The following CLASP2 variants were observed in gnomAD, a reference collection of about 807,000 sequenced individuals.
CLASP2 encodes the protein cytoplasmic linker associated protein 2, also known as CLIP-associating protein 2.
Under a neutral mutation model 194.4 loss-of-function variants are expected in CLASP2, and 47 were observed. The ratio of observed to expected loss-of-function variants is 0.24; its 90% confidence interval spans 0.19 to 0.31. The LOEUF (loss-of-function observed/expected upper bound fraction) is 0.31, where lower values mean the gene tolerates loss of function less well. CLASP2 is among the 10% of genes least tolerant of loss of function. The probability of loss-of-function intolerance (pLI) is 1.00; values close to 1 mark genes in which losing one functional copy is unlikely to be tolerated. For missense variants in CLASP2, 1,445 were observed against 1,823.6 expected, an observed-to-expected ratio of 0.79 and a Z score of 3.78; for synonymous variants, 619 against 633.5, an observed-to-expected ratio of 0.98 and a Z score of 0.34.
chr3:33,658,281 G>T (rs948600484), intron 7 of CLASP2, among the ~76,000 whole-genome samples: 1 of 152,118 alleles, frequency 6.6e-6, no homozygotes, highest in Non-Finnish European at 1.5e-5. Context: ...TCACAGAGTT[G>T]TTCACACCTG....
chr3:33,584,695 A>G (rs1317352540), intron 22 of CLASP2, 55 bp downstream of exon 22: 12 of 258,704 alleles, frequency 4.6e-5, no homozygotes, highest in Non-Finnish European at 7.4e-5. Context: ...CCAAAGCCTG[A>G]AAAAAAAAAA....
intron 33 of CLASP2, among the ~76,000 whole-genome samples, chr3:33,538,570 C>T (rs2057803035): frequency 6.6e-6 from 1 of 152,134 alleles, no homozygotes; most frequent in Non-Finnish European, 1.5e-5. Flanking sequence ...ATACTCATCT[C>T]TATATGAAAA....
chr3:33,677,560 G>C (rs1202292336), intron 6 of CLASP2, among the ~76,000 whole-genome samples: 1 of 113,982 alleles, frequency 8.8e-6, no homozygotes, highest in Non-Finnish European at 1.8e-5. Flanking sequence ...GTTGTGGGGT[G>C]GGGGGAGGGG....
At chr3:33,560,303 T>G (rs1209277314) in intron 28 of CLASP2, among the ~76,000 whole-genome samples, 1 of 151,716 alleles carries the variant, frequency 6.6e-6, no homozygotes, top group African/African-American at 2.4e-5. Context: ...AGTGCAGTGG[T>G]GCAATCTCGG....
At chr3:33,543,370 C>T in intron 32 of CLASP2, 63 bp downstream of exon 32, 1 of 1,168,898 alleles carries the variant, frequency 8.6e-7, no homozygotes, top group African/African-American at 1.5e-5. Context: ...AAGACTCTGT[C>T]TCAAAAAGAA....
Position 33,695,857 on chromosome 3 carries a change from T to C in CLASP2, c.274+998A>G, listed in dbSNP as rs139824545. Among the ~76,000 whole-genome samples, 3 of 152,312 alleles carry C rather than the reference T, an allele frequency of 2.0e-5. No individual in the cohort carries two copies. The East Asian group carries it at 5.8e-4, about 29-fold the overall frequency. Reference sequence around the variant, plus strand: ...CTATATGCTATATAATGCTGCTATATAATAGGATCAAATCCACTTATAACA... The same window carrying C: ...CTATATGCTATATAATGCTGCTATACAATAGGATCAAATCCACTTATAACA... On this transcript the variant is annotated intron_variant, in intron 2 of 38. Transcript: ENST00000682230.
chr3:33,611,067 T>C (rs994866117), intron 13 of CLASP2, among the ~76,000 whole-genome samples: 2 of 152,166 alleles, frequency 1.3e-5, no homozygotes, highest in Non-Finnish European at 1.5e-5. Flanking sequence ...CACATACACT[T>C]GACAAATGGA....
intron 6 of CLASP2, among the ~76,000 whole-genome samples, chr3:33,684,106 A>C (rs935138171): frequency 3.3e-5 from 5 of 150,658 alleles, no homozygotes; most frequent in Non-Finnish European, 7.4e-5. Context: ...TTAGCTGGGC[A>C]TGGTGGCAAG....
intron 7 of CLASP2, chr3:33,659,179 G>T: frequency 7.3e-7 from 1 of 1,373,880 alleles, no homozygotes; most frequent in Non-Finnish European, 9.4e-7. Context: ...TAAAAGTCTG[G>T]GGTCTTGCTG....
At chr3:33,710,052 A>G (rs1461865669) in intron 1 of CLASP2, among the ~76,000 whole-genome samples, 1 of 152,180 alleles carries the variant, frequency 6.6e-6, no homozygotes, top group African/African-American at 2.4e-5. Flanking sequence ...ATGGGGCAGG[A>G]TTGGCCACGG....
intron 18 of CLASP2, among the ~76,000 whole-genome samples, chr3:33,598,877 T>C (rs2071228192): frequency 6.6e-6 from 1 of 152,162 alleles, no homozygotes; most frequent in Non-Finnish European, 1.5e-5. Context: ...AATTCCTGTT[T>C]CCTACCACCA....
At chr3:33,563,516 C>T (rs1164715121) in intron 27 of CLASP2, among the ~76,000 whole-genome samples, 1 of 152,148 alleles carries the variant, frequency 6.6e-6, no homozygotes, top group African/African-American at 2.4e-5. Context: ...TCCTGTATAC[C>T]AGGGTTCAGT....
intron 7 of CLASP2, among the ~76,000 whole-genome samples, chr3:33,651,372 G>T (rs1017536717): frequency 5.8e-5 from 7 of 119,828 alleles, no homozygotes; most frequent in South Asian, 2.9e-4. Context: ...AACAGAGCGA[G>T]ATCCTGTCTC....
At chr3:33,535,940 A>C (rs2057248826) in intron 33 of CLASP2, among the ~76,000 whole-genome samples, 1 of 152,090 alleles carries the variant, frequency 6.6e-6, no homozygotes, top group Non-Finnish European at 1.5e-5. Context: ...AAAAAAAAGA[A>C]AGGCTTAAAA....
chr3:33,504,428 T>C (rs997404027), intron 37 of CLASP2: 1 of 152,208 alleles, frequency 6.6e-6, no homozygotes, highest in African/African-American at 2.4e-5. Flanking sequence ...CTGACAGAGA[T>C]TTCCTTAAAT....
intron 12 of CLASP2, among the ~76,000 whole-genome samples, chr3:33,619,333 TATATGTACTC>T (rs1440444663): frequency 6.6e-6 from 1 of 152,216 alleles, no homozygotes; most frequent in African/African-American, 2.4e-5. Flanking sequence ...TGTAGATACA[TATATGTACTC>T]ATATGTACAT....
chr3:33,638,272 G>C (rs930149850), intron 8 of CLASP2, among the ~76,000 whole-genome samples: 1 of 151,982 alleles, frequency 6.6e-6, no homozygotes, highest in Non-Finnish European at 1.5e-5. Flanking sequence ...ATTTAACAAT[G>C]AGAATGATTT....
intron 6 of CLASP2, among the ~76,000 whole-genome samples, chr3:33,672,471 T>G (rs944819573): frequency 4.0e-5 from 6 of 151,786 alleles, no homozygotes; most frequent in African/African-American, 1.5e-4. Context: ...AGACCAAAAG[T>G]AGATAAAACC....
chr3:33,688,335 G>A lies in CLASP2; in HGVS notation c.412C>T (p.His138Tyr), dbSNP rs754783224. 35 of 1,592,268 alleles carry A rather than the reference G, an allele frequency of 2.2e-5. No individual in the cohort carries two copies. The highest frequency in any genetic ancestry group is 3.0e-5 in the Non-Finnish European group (35 of 1,168,500). Residue 138 changes from histidine to tyrosine, a missense_variant, in exon 4 of 39, where the codon CAC (histidine) becomes TAC (tyrosine). Around this residue, in one of 4 missense-constraint regions of CLASP2, gnomAD observed 332 missense variants for 325.3 expected, o/e 1.02. Transcript: ENST00000682230. ...CCTTCTCGAGATCGAAAATTCTTGTGTTTAAAACCAGAAGCCAACTGCTCC... is the reference window on the plus strand; with the variant it reads ...CCTTCTCGAGATCGAAAATTCTTGTATTTAAAACCAGAAGCCAACTGCTCC... ...IWEQLASGFK[H>Y]KNFRSREGVC...
Sources: gnomAD v4.1 joint callset for allele counts (sites outside exome capture counted in the v4.1 genomes callset) on GRCh38, gnomAD v4.1.1 for gene constraint, gnomAD v4.1.1 regional missense constraint, MANE v1.5 for transcripts, NCBI Gene and HGNC (gene_info 2026-07-23, HGNC 2026-07-21) for gene names.